ADGRL3: variants seen among roughly 807,000 people sequenced by gnomAD.
ADGRL3 encodes the protein calcium-independent alpha-latrotoxin receptor 3.
ADGRL3 carries 62 observed loss-of-function variants against 153.5 expected under a neutral mutation model. That is an observed-to-expected ratio of 0.40 (90% CI 0.33 to 0.50). ADGRL3 has a LOEUF of 0.50. Among genes scored for constraint, ADGRL3 ranks in the 20% least tolerant of loss-of-function variants. The pLI is 0.47. For missense variants in ADGRL3, 1,641 were observed against 1,859.4 expected (o/e 0.88, Z 2.16); for synonymous variants, 710 against 672.5 (o/e 1.06, Z -0.86).
chr4:61,335,678 T>C (rs1355753779), intron 1 of ADGRL3, among the ~76,000 whole-genome samples: 1 of 152,162 alleles, frequency 6.6e-6, no homozygotes, highest in Non-Finnish European at 1.5e-5. Flanking sequence ...TAGGAATAAA[T>C]GTTCAAATAT....
At chr4:61,374,660 C>G (rs2151802162) in intron 1 of ADGRL3, among the ~76,000 whole-genome samples, 1 of 152,184 alleles carries the variant, frequency 6.6e-6, no homozygotes, top group South Asian at 2.1e-4. Context: ...AATGGCAATG[C>G]AATGGAAATC....
At chr4:61,965,926 C>A (rs1456999197) in intron 17 of ADGRL3, among the ~76,000 whole-genome samples, 1 of 152,112 alleles carries the variant, frequency 6.6e-6, no homozygotes, top group Non-Finnish European at 1.5e-5. Context: ...AAATCCAATT[C>A]ATGGAACTTT....
intron 5 of ADGRL3, among the ~76,000 whole-genome samples, chr4:61,667,814 G>A (rs962188046): frequency 1.7e-4 from 26 of 152,278 alleles, no homozygotes; most frequent in African/African-American, 6.0e-4. Flanking sequence ...AGGATAATAT[G>A]TATAAATGTG....
intron 8 of ADGRL3, among the ~76,000 whole-genome samples, chr4:61,774,401 A>G: frequency 6.6e-6 from 1 of 151,372 alleles, no homozygotes. Context: ...CAGGAAAGGG[A>G]AACATAAAAA....
At chr4:61,841,094 G>T (rs1023066338) in intron 9 of ADGRL3, among the ~76,000 whole-genome samples, 1 of 152,050 alleles carries the variant, frequency 6.6e-6, no homozygotes, top group East Asian at 1.9e-4. Context: ...TCCCATAAAA[G>T]GCAAGCTATG....
At chr4:61,211,808 G>A (rs978276152) in intron 1 of ADGRL3, 2 of 152,168 alleles carry the variant, frequency 1.3e-5, no homozygotes, top group Admixed American at 1.3e-4. Flanking sequence ...ATATCTGAAA[G>A]ATGTCCCTTT....
At chr4:62,037,985 A>G (rs1582003506) in intron 24 of ADGRL3, 129 bp downstream of exon 24, 4 of 953,708 alleles carry the variant, frequency 4.2e-6, no homozygotes, top group South Asian at 3.4e-5. Context: ...TGTGTCTCAC[A>G]TGGGAATGAT....
At chr4:61,884,201 T>A (rs2098524315) in intron 9 of ADGRL3, among the ~76,000 whole-genome samples, 1 of 152,178 alleles carries the variant, frequency 6.6e-6, no homozygotes, top group African/African-American at 2.4e-5. Flanking sequence ...TGATACTTTT[T>A]AAAAATTACT....
chr4:61,895,127 C>A lies in ADGRL3; in HGVS notation c.1784-604C>A, dbSNP rs1280804529. 2.0e-5 allele frequency among the ~76,000 whole-genome samples: 3 copies of A among 152,114 alleles called. No individual in the cohort carries two copies. In the East Asian group the frequency reaches 5.8e-4, roughly 29 times the overall value. ...TTGCCTCTACAAAGTCAAGCACTAA[C>A]CTCCATGGAGGCACATATCACATCA... is the stretch of plus-strand genomic sequence containing the variant. On this transcript the variant is annotated intron_variant, in intron 10 of 26. Coordinates refer to ENST00000683033, the MANE Select transcript of ADGRL3 (RefSeq NM_001387552.1).
chr4:61,307,913 A>G (rs1310424446), intron 1 of ADGRL3, among the ~76,000 whole-genome samples: 11 of 152,166 alleles, frequency 7.2e-5, no homozygotes. Context: ...AATTAAGATC[A>G]TGTTGTCATT....
chr4:61,697,105 A>T (rs1290042174), intron 6 of ADGRL3, among the ~76,000 whole-genome samples: 1 of 152,212 alleles, frequency 6.6e-6, no homozygotes, highest in Admixed American at 6.5e-5. Context: ...TGAAGATTAA[A>T]TACAAAGGTA....
chr4:61,904,572 A>C (rs917375887), intron 11 of ADGRL3, among the ~76,000 whole-genome samples: 1 of 152,158 alleles, frequency 6.6e-6, no homozygotes, highest in African/African-American at 2.4e-5. Flanking sequence ...GATATCAATA[A>C]ATTTTTATAT....
chr4:61,404,851 T>G (rs887430693), intron 2 of ADGRL3, among the ~76,000 whole-genome samples: 4 of 151,984 alleles, frequency 2.6e-5, no homozygotes, highest in Non-Finnish European at 4.4e-5. Flanking sequence ...AGCTTTTTAG[T>G]TTTTAGAACC....
At chr4:61,600,804 T>A (rs535531428) in intron 5 of ADGRL3, among the ~76,000 whole-genome samples, 10 of 152,352 alleles carry the variant, frequency 6.6e-5, no homozygotes, top group African/African-American at 2.4e-4. Context: ...TTCTTTATTA[T>A]GCCTTTAGCA....
chr4:62,069,758 A>C (rs549142780), intron 26 of ADGRL3, among the ~76,000 whole-genome samples: 14 of 152,254 alleles, frequency 9.2e-5, no homozygotes, highest in African/African-American at 3.1e-4. Flanking sequence ...GAATGACTAC[A>C]CCAAAATTTT....
intron 19 of ADGRL3, among the ~76,000 whole-genome samples, chr4:61,984,828 C>G (rs184051032): frequency 6.6e-6 from 1 of 151,772 alleles, no homozygotes; most frequent in Non-Finnish European, 1.5e-5. Context: ...AATTGGAAGG[C>G]GTGAAGACAT....
chr4:61,435,558 C>G (rs1485397762), intron 2 of ADGRL3, among the ~76,000 whole-genome samples: 3 of 152,056 alleles, frequency 2.0e-5, no homozygotes, highest in African/African-American at 7.2e-5. Flanking sequence ...CTCAGCAGGT[C>G]AATTTGTCTG....
chr4:61,582,338 C>G (rs546534820), intron 4 of ADGRL3, among the ~76,000 whole-genome samples: 1 of 151,928 alleles, frequency 6.6e-6, no homozygotes, highest in Admixed American at 6.6e-5. Context: ...TGCTCTCCCT[C>G]CCCCCGCTCC....
intron 5 of ADGRL3, among the ~76,000 whole-genome samples, chr4:61,639,815 A>G (rs147128303): frequency 1.4e-4 from 21 of 152,290 alleles, no homozygotes; most frequent in African/African-American, 4.3e-4. Flanking sequence ...TATAGCCCAT[A>G]TTAAATTCTA....
Sources: allele counts gnomAD v4.1 joint callset (sites outside exome capture counted in the v4.1 genomes callset), GRCh38; gene constraint gnomAD v4.1.1; transcripts MANE v1.5; gene names NCBI Gene and HGNC (gene_info 2026-07-23, HGNC 2026-07-21).